The following CC2D1B variants were observed in gnomAD, a reference collection of about 807,000 sequenced individuals.
CC2D1B encodes coiled-coil and C2 domain-containing protein 1B.
In CC2D1B, 92 loss-of-function variants were observed where a neutral mutation model predicts 110.8. The ratio of observed to expected loss-of-function variants is 0.83; its 90% CI spans 0.70 to 0.99. CC2D1B has a LOEUF of 0.99. Ranked by LOEUF, CC2D1B falls within the 50% of genes least tolerant of loss-of-function variation. The pLI is 0.00. For synonymous variants in CC2D1B, 406 were observed against 429.2 expected (o/e 0.95, Z 0.67); for missense variants, 1,136 against 1,089.0 (o/e 1.04, Z -0.61).
rs1354551753 is a variant in CC2D1B at position 52,351,155 on chromosome 1, C to G, written c.*2070G>C. ...GGCTACAACAAAGGCCTTTTAAGAACTTCAATCTCCAAGTCTGGTGGGAGG... is the reference window on the plus strand; with the variant it reads ...GGCTACAACAAAGGCCTTTTAAGAAGTTCAATCTCCAAGTCTGGTGGGAGG... On this transcript the variant is annotated 3_prime_UTR_variant, in exon 25 of 25. Transcript: ENST00000284376. 6.6e-6 allele frequency: 1 copy of G among 152,222 alleles called. No homozygotes were observed. The highest frequency in any genetic ancestry group is 2.4e-5 in the African/African-American group (1 of 41,466). The allele number at this position is 152,222 out of a possible 1,614,324, so 9.4% of individuals were successfully genotyped here.
At chr1:52,358,540 C>T (rs1646705463) in intron 12 of CC2D1B, 79 bp from the exon 13 acceptor site, 6 of 1,604,208 alleles carry the variant, frequency 3.7e-6, no homozygotes, top group Non-Finnish European at 5.1e-6. Flanking sequence ...CTGTCTGGGG[C>T]ATGGCTCTGC....
chr1:52,360,591 G>T (rs1430943984), intron 5 of CC2D1B, 42 bp from the exon 6 acceptor site: 5 of 1,595,806 alleles, frequency 3.1e-6, no homozygotes, highest in South Asian at 2.2e-5. Context: ...TCCAGGGCCT[G>T]CTAGGCCTAC....
intron 1 of CC2D1B, among the ~76,000 whole-genome samples, chr1:52,365,772 G>C (rs1646868140): frequency 6.6e-6 from 1 of 150,940 alleles, no homozygotes; most frequent in South Asian, 2.1e-4. Flanking sequence ...CAGCTGACGG[G>C]CGTGGAGGCG....
At chr1:52,354,544 C>A in intron 23 of CC2D1B, 64 bp downstream of exon 23, 1 of 1,255,328 alleles carries the variant, frequency 8.0e-7, no homozygotes, top group Non-Finnish European at 1.2e-6. Context: ...CAAGGTGTGG[C>A]ATTCAGTGCG....
intron 16 of CC2D1B, chr1:52,356,673 C>T: frequency 1.6e-6 from 1 of 609,640 alleles, no homozygotes; most frequent in Non-Finnish European, 2.9e-6. Flanking sequence ...CTCCTTCCAT[C>T]AAAACCTAAC....
chr1:52,356,880 CAGTG>C lies in CC2D1B; in HGVS notation c.1878+117_1878+120del, dbSNP rs1318028966. Reference sequence around the variant, plus strand: ...AAGAAAGTGCCTTGCCCAAGTCACACAGTGAGTAAGTGGAAGAGCTGAGAATTTT... The same window carrying C: ...AAGAAAGTGCCTTGCCCAAGTCACACAGTAAGTGGAAGAGCTGAGAATTTT... On this transcript the variant is annotated intron_variant, in intron 16 of 24. Coordinates refer to ENST00000284376, the MANE Select transcript of CC2D1B (RefSeq NM_001330585.2). 61 of 1,201,904 alleles carry C rather than the reference CAGTG, an allele frequency of 5.1e-5. 1 individual carries two copies. Among genetic ancestry groups the C allele is most frequent in the Middle Eastern group, 5.8e-4 (2 of 3,460 alleles). The allele number at this position is 1,201,904 out of a possible 1,614,324, so 74.5% of individuals were successfully genotyped here. A position where few individuals can be genotyped will look rare whatever the true frequency, so the allele number is the denominator to read the frequency against.
At chr1:52,356,051 C>CA (rs1470704056) in intron 18 of CC2D1B, 135 bp downstream of exon 18, 1 of 901,488 alleles carries the variant, frequency 1.1e-6, no homozygotes, top group African/African-American at 1.6e-5. Context: ...TGCACCCTGT[C>CA]GTCCTCAGCA....
rs1646875274 is a variant in CC2D1B at position 52,366,094 on chromosome 1, C to G, written c.-40G>C. ...CTCGCGGTGAATCCGAGCCAAACCC[C>G]GGCCTTGTCTCACCCGGCACCGCCC... On this transcript the variant is annotated 5_prime_UTR_variant, in exon 1 of 25. Coordinates refer to ENST00000284376, the MANE Select transcript of CC2D1B (RefSeq NM_001330585.2). 2 of 152,254 alleles carry G rather than the reference C, an allele frequency of 1.3e-5. No homozygotes were observed. Among genetic ancestry groups the G allele is most frequent in the Non-Finnish European group, 2.9e-5 (2 of 68,070 alleles). The allele number at this position is 152,254 out of a possible 1,614,324, so 9.4% of individuals were successfully genotyped here.
rs1158014424 is a variant in CC2D1B, at chr1:52,353,018, T to G, written c.*207A>C. 2 of 426,494 alleles carry G rather than the reference T, an allele frequency of 4.7e-6. No homozygotes were observed. The allele number at this position is 426,494 out of a possible 1,614,324, so 26.4% of individuals were successfully genotyped here. A position where few individuals can be genotyped will look rare whatever the true frequency, so the allele number is the denominator to read the frequency against. The stretch of plus-strand genomic sequence containing the variant: ...GGGAGACAGCGGGGAGATGGGCTCC[T>G]GGAACCCAGCCTGTTTCTGTAGAGC... On this transcript the variant is annotated 3_prime_UTR_variant, in exon 25 of 25. Transcript: ENST00000284376.
Position 52,354,917 on chromosome 1 carries a change from T to TA in CC2D1B, c.2261dup (p.Asn755LysfsTer21). On this transcript the variant is annotated frameshift_variant, in exon 22 of 25. Transcript: ENST00000284376. LOFTEE classifies it high-confidence loss of function. ...AGCCCCGGTGGTTTCGGTTGATGTT[T>TA]AGTTTGAAGAGTTGATCAAATTCTG... 6.2e-7 allele frequency: 1 copy of TA among 1,614,124 alleles called. No homozygotes were observed. Among genetic ancestry groups the TA allele is most frequent in the South Asian group, 1.1e-5 (1 of 91,080 alleles).
intron 1 of CC2D1B, among the ~76,000 whole-genome samples, chr1:52,365,803 C>G (rs1195390073): frequency 6.6e-6 from 1 of 152,148 alleles, no homozygotes; most frequent in East Asian, 1.9e-4. Context: ...GGCGGAGGAG[C>G]TGGCGGGCGC....
chr1:52,362,867 G>T, intron 2 of CC2D1B, 121 bp from the exon 3 acceptor site: 1 of 989,464 alleles, frequency 1.0e-6, no homozygotes, highest in Non-Finnish European at 1.5e-6. Context: ...GAGGCCCAAT[G>T]TGCAGAAAGA....
At chr1:52,356,939 G>A in intron 16 of CC2D1B, 62 bp downstream of exon 16, 1 of 1,509,584 alleles carries the variant, frequency 6.6e-7, no homozygotes, top group Non-Finnish European at 8.9e-7. Context: ...CTGAGCTCCA[G>A]GTCTTCCTCC....
Position 52,356,257 on chromosome 1 carries a change from C to T in CC2D1B, c.1983G>A (p.Leu661=). The T allele has an allele frequency of 2.5e-6, 4 of 1,614,184 alleles. No individual in the cohort carries two copies. The highest frequency in any genetic ancestry group is 3.4e-6 in the Non-Finnish European group (4 of 1,180,026). Residue 661 remains leucine (L), a synonymous_variant, in exon 18 of 25, where the codon CTG becomes CTA. Transcript: ENST00000284376. ...AQDRKKQLEI[L]QLAQAQGLDP... The stretch of plus-strand genomic sequence containing the variant: ...CGAGGCCCTGAGCCTGGGCCAGCTG[C>T]AGGATCTCCAGCTGTTTCTTGCGGT...
intron 11 of CC2D1B, 111 bp downstream of exon 11, chr1:52,358,915 CA>C: frequency 6.6e-7 from 1 of 1,505,192 alleles, no homozygotes; most frequent in Non-Finnish European, 9.0e-7. Context: ...CCCAGAGAGA[CA>C]AACAGATGAT....
At chr1:52,360,596 G>A in intron 5 of CC2D1B, 47 bp from the exon 6 acceptor site, 4 of 1,589,916 alleles carry the variant, frequency 2.5e-6, no homozygotes, top group Non-Finnish European at 3.4e-6. Context: ...GGCCTGCTAG[G>A]CCTACCATTC....
chr1:52,365,845 G>C (rs532387947), intron 1 of CC2D1B, among the ~76,000 whole-genome samples: 2 of 152,286 alleles, frequency 1.3e-5, no homozygotes, highest in South Asian at 4.1e-4. Flanking sequence ...GATTTCGGGA[G>C]TGACTCCGGC....
rs60552348 is a variant in CC2D1B at position 52,351,883 on chromosome 1, CAAAAAAAAAAA to C, written c.*1331_*1341del. 2.8e-5 allele frequency: 2 copies of C among 71,410 alleles called. No homozygotes were observed. The allele number at this position is 71,410 out of a possible 1,614,324, so 4.4% of individuals were successfully genotyped here. A position where few individuals can be genotyped will look rare whatever the true frequency, so the allele number is the denominator to read the frequency against. Reference sequence around the variant, plus strand: ...TGGCTGGCAGAGAGCTACTCTGTCTCAAAAAAAAAAAAAAAAAAAAAATCGGCCAGAGGGCT... The same window carrying C: ...TGGCTGGCAGAGAGCTACTCTGTCTCAAAAAAAAAAATCGGCCAGAGGGCT... On this transcript the variant is annotated 3_prime_UTR_variant, in exon 25 of 25. Coordinates refer to ENST00000284376, the MANE Select transcript of CC2D1B (RefSeq NM_001330585.2).
intron 23 of CC2D1B, 61 bp downstream of exon 23, chr1:52,354,547 T>C: frequency 7.7e-7 from 1 of 1,303,170 alleles, no homozygotes; most frequent in Non-Finnish European, 1.1e-6. Context: ...GGTGTGGCAT[T>C]CAGTGCGTAT....
Sources: gnomAD v4.1 joint callset for allele counts (sites outside exome capture counted in the v4.1 genomes callset) on GRCh38, gnomAD v4.1.1 for gene constraint, MANE v1.5 for transcripts, NCBI Gene and HGNC (gene_info 2026-07-23, HGNC 2026-07-21) for gene names.